Variants in SPECC1L observed in about 807,000 individuals in gnomAD.
The protein encoded by SPECC1L is sperm antigen with calponin homology and coiled-coil domains 1 like.
Under a neutral mutation model 116.8 loss-of-function variants are expected in SPECC1L, and 40 were observed. That is an observed-to-expected ratio of 0.34 (90% CI 0.27 to 0.45). The LOEUF (loss-of-function observed/expected upper bound fraction) is 0.45. Among genes scored for constraint, SPECC1L ranks in the 20% least tolerant of loss-of-function variants. SPECC1L has a pLI of 1.00. For synonymous variants in SPECC1L, 504 were observed against 500.6 expected (o/e 1.01, Z -0.09); for missense variants, 1,110 against 1,373.6 (o/e 0.81, Z 3.03).
At chr22:24,371,706 C>T (rs961888632) in intron 14 of SPECC1L, among the ~76,000 whole-genome samples, 5 of 152,082 alleles carry the variant, frequency 3.3e-5, no homozygotes, top group African/African-American at 1.2e-4. Flanking sequence ...AGGGGATTGA[C>T]ATTGATTGAT....
At position 24,296,767 on chromosome 22, in the gene SPECC1L, G is replaced by GT. The variant is rs1159876062; in HGVS notation, c.-37-5421dup. On this transcript the variant is annotated intron_variant, in intron 2 of 16. Coordinates refer to ENST00000314328, the MANE Select transcript of SPECC1L (RefSeq NM_015330.6). ...AGGACCTTCTGGTGAATTCTAATTT[G>GT]TTTTTTTATGAGCCTGAGGGTCATT... 9.9e-5 allele frequency among the ~76,000 whole-genome samples: 15 copies of GT among 152,224 alleles called. No individual in the cohort carries two copies. The South Asian group carries it at 1.9e-3, about 19-fold the overall frequency.
At chr22:24,293,046 A>G (rs1056821624) in intron 2 of SPECC1L, among the ~76,000 whole-genome samples, 6 of 151,602 alleles carry the variant, frequency 4.0e-5, no homozygotes, top group East Asian at 3.9e-4. Flanking sequence ...GGCGGAGCTC[A>G]GGCTGTAGTG....
chr22:24,379,030 T>C (rs1380733844), intron 14 of SPECC1L, among the ~76,000 whole-genome samples: 1 of 152,098 alleles, frequency 6.6e-6, no homozygotes, highest in African/African-American at 2.4e-5. Context: ...CCATCTGAGG[T>C]GTGTCTGTAT....
intron 2 of SPECC1L, 137 bp from the exon 3 acceptor site, chr22:24,302,058 A>C: frequency 4.3e-6 from 3 of 700,282 alleles, no homozygotes; most frequent in Admixed American, 5.7e-5. Context: ...AAAAAAAAAA[A>C]AATTTTTTTT....
intron 2 of SPECC1L, among the ~76,000 whole-genome samples, chr22:24,294,118 A>G (rs1388097591): frequency 1.5e-5 from 1 of 65,222 alleles, no homozygotes; most frequent in African/African-American, 6.5e-5. Flanking sequence ...TTCTAGCCAT[A>G]CTGTATTCTA....
chr22:24,277,003 A>G (rs2048849965), intron 2 of SPECC1L, among the ~76,000 whole-genome samples, 200 bp downstream of exon 2: 1 of 151,998 alleles, frequency 6.6e-6, no homozygotes, highest in South Asian at 2.1e-4. Flanking sequence ...CTTCTGATCC[A>G]TTTTTTCATT....
At chr22:24,271,032 A>C (rs1020634379) in intron 1 of SPECC1L, 49 bp downstream of exon 1, 2 of 152,334 alleles carry the variant, frequency 1.3e-5, no homozygotes, top group Non-Finnish European at 2.9e-5. Flanking sequence ...GGGTTGGTTT[A>C]TCGCCTCAGC....
chr22:24,319,686 G>C (rs1423293324), intron 4 of SPECC1L, among the ~76,000 whole-genome samples: 1 of 152,098 alleles, frequency 6.6e-6, no homozygotes, highest in Non-Finnish European at 1.5e-5. Flanking sequence ...CTTTCTGTGT[G>C]CCATGTTCAC....
At chr22:24,318,491 G>A (rs915523121) in intron 4 of SPECC1L, among the ~76,000 whole-genome samples, 2 of 152,208 alleles carry the variant, frequency 1.3e-5, no homozygotes, top group Admixed American at 6.5e-5. Context: ...GCTTCGGCTC[G>A]GCATCAGAGG....
intron 13 of SPECC1L, among the ~76,000 whole-genome samples, chr22:24,368,102 C>T (rs577930033): frequency 6.6e-6 from 1 of 152,240 alleles, no homozygotes; most frequent in East Asian, 1.9e-4. Context: ...AAAGGTCTGG[C>T]CTAAGGCAGG....
chr22:24,273,341 G>A (rs2048766813), intron 1 of SPECC1L, among the ~76,000 whole-genome samples: 1 of 152,182 alleles, frequency 6.6e-6, no homozygotes, highest in African/African-American at 2.4e-5. Context: ...AGAAAAAAAG[G>A]ACAATATTGG....
At chr22:24,284,315 C>T (rs1601492631) in intron 2 of SPECC1L, among the ~76,000 whole-genome samples, 2 of 152,064 alleles carry the variant, frequency 1.3e-5, no homozygotes, top group African/African-American at 4.8e-5. Context: ...TTCTGATTTC[C>T]CTTTTGGTTT....
chr22:24,308,079 G>T (rs1376063907), intron 3 of SPECC1L, among the ~76,000 whole-genome samples: 2 of 151,270 alleles, frequency 1.3e-5, no homozygotes, highest in East Asian at 1.9e-4. Flanking sequence ...GGGGTGGGGG[G>T]GCTGTTTCAG....
intron 14 of SPECC1L, among the ~76,000 whole-genome samples, chr22:24,404,528 C>A (rs1177387237): frequency 6.6e-6 from 1 of 152,188 alleles, no homozygotes; most frequent in Non-Finnish European, 1.5e-5. Flanking sequence ...TGCGCTCTCC[C>A]TCCTCATAGC....
chr22:24,411,350 G>A lies in SPECC1L; in HGVS notation c.3088-238G>A, dbSNP rs984520629. On this transcript the variant is annotated intron_variant, in intron 14 of 16. Coordinates refer to ENST00000314328, the MANE Select transcript of SPECC1L (RefSeq NM_015330.6). ...GCAACAGCTAGTAAGTCAGCAAGAC[G>A]CCACGTGTTATACCAGGCCCAGGCG... Among the ~76,000 whole-genome samples the A allele has an allele frequency of 3.9e-5, 6 of 152,168 alleles. No homozygotes were observed. The East Asian group carries it at 9.6e-4, about 24-fold the overall frequency.
chr22:24,271,683 A>C (rs757774051), intron 1 of SPECC1L, among the ~76,000 whole-genome samples: 3 of 152,246 alleles, frequency 2.0e-5, no homozygotes, highest in Non-Finnish European at 2.9e-5. Flanking sequence ...GACGAAAAGA[A>C]ATCAGTTTCC....
chr22:24,351,577 T>C (rs1206393056), intron 11 of SPECC1L, among the ~76,000 whole-genome samples: 4 of 152,184 alleles, frequency 2.6e-5, no homozygotes, highest in African/African-American at 4.8e-5. Context: ...GGTTGAGACA[T>C]TGCAAATACA....
chr22:24,330,594 T>C (rs1410736267), intron 8 of SPECC1L, among the ~76,000 whole-genome samples, 163 bp downstream of exon 8: 1 of 152,218 alleles, frequency 6.6e-6, no homozygotes, highest in Non-Finnish European at 1.5e-5. Context: ...ATGGCACATG[T>C]AAACTAGTAC....
rs185937646 is a variant in SPECC1L at position 24,344,843 on chromosome 22, C to T, written c.2653-2243C>T. Among the ~76,000 whole-genome samples the T allele has an allele frequency of 5.0e-3, 768 of 152,142 alleles. 4 individuals carry two copies. Among genetic ancestry groups the T allele is most frequent in the Non-Finnish European group, 8.5e-3 (580 of 67,998 alleles). ...AAATATAATGAAATGTATGCACAAC[C>T]TGTGCAATGAAAACAATAAAATATT... On this transcript the variant is annotated intron_variant, in intron 10 of 16. Transcript: ENST00000314328.
Sources: gnomAD v4.1 joint callset for allele counts (sites outside exome capture counted in the v4.1 genomes callset) on GRCh38, gnomAD v4.1.1 for gene constraint, MANE v1.5 for transcripts, NCBI Gene and HGNC (gene_info 2026-07-23, HGNC 2026-07-21) for gene names.